The following MEGF11 variants were observed in gnomAD, a reference collection of about 807,000 sequenced individuals.
MEGF11 encodes multiple EGF like domains 11.
A neutral mutation model predicts 146.6 loss-of-function variants in MEGF11; 126 were observed. The ratio of observed to expected loss-of-function variants is 0.86; its 90% confidence interval spans 0.74 to 1.00. The LOEUF is 1.00. Ranked by LOEUF, MEGF11 falls within the 50% of genes least tolerant of loss-of-function variation. MEGF11 has a pLI of 0.00. For missense variants in MEGF11, 1,509 were observed against 1,521.2 expected (o/e 0.99, Z 0.13); for synonymous variants, 532 against 583.4 (o/e 0.91, Z 1.27).
intron 5 of MEGF11, among the ~76,000 whole-genome samples, chr15:66,042,821 C>T (rs940380433): frequency 6.6e-6 from 1 of 152,204 alleles, no homozygotes; most frequent in Non-Finnish European, 1.5e-5. Flanking sequence ...GACTGCAGGG[C>T]ATACTGGATC....
chr15:65,907,135 C>T (rs760704681), intron 23 of MEGF11, among the ~76,000 whole-genome samples: 1 of 152,166 alleles, frequency 6.6e-6, no homozygotes, highest in Admixed American at 6.5e-5. Context: ...TGACTCTTCC[C>T]AGTTTCTGAC....
At chr15:66,101,742 T>C (rs1050721601) in intron 4 of MEGF11, among the ~76,000 whole-genome samples, 1 of 152,244 alleles carries the variant, frequency 6.6e-6, no homozygotes, top group African/African-American at 2.4e-5. Flanking sequence ...ACTTGAGCCA[T>C]GCCCATCTGG....
intron 1 of MEGF11, among the ~76,000 whole-genome samples, chr15:66,200,238 T>C (rs749468765): frequency 2.3e-4 from 35 of 152,260 alleles, no homozygotes; most frequent in Non-Finnish European, 5.1e-4. Flanking sequence ...TCACAGCTGA[T>C]TTTGGTTTTC....
At chr15:66,102,972 T>C (rs1156601003) in intron 4 of MEGF11, among the ~76,000 whole-genome samples, 1 of 152,240 alleles carries the variant, frequency 6.6e-6, no homozygotes, top group East Asian at 1.9e-4. Flanking sequence ...ATTCACCTAA[T>C]CTTCCCAAGC....
chr15:66,143,207 G>C (rs1384531826), intron 1 of MEGF11, among the ~76,000 whole-genome samples: 1 of 152,258 alleles, frequency 6.6e-6, no homozygotes, highest in Non-Finnish European at 1.5e-5. Flanking sequence ...GACGGTGGTG[G>C]TGGGAAGAGA....
chr15:65,922,785 G>C (rs745311550), intron 14 of MEGF11, 38 bp downstream of exon 14: 1 of 1,608,480 alleles, frequency 6.2e-7, no homozygotes, highest in South Asian at 1.1e-5. Context: ...GGGAGGATTA[G>C]CCCTCTGAGC....
intron 4 of MEGF11, among the ~76,000 whole-genome samples, chr15:66,118,712 T>TC (rs1185028928): frequency 6.6e-6 from 1 of 152,156 alleles, no homozygotes; most frequent in African/African-American, 2.4e-5. Flanking sequence ...TCTCCTTCCA[T>TC]CCAGCAAAGC....
At chr15:66,062,672 T>A (rs1335594566) in intron 5 of MEGF11, among the ~76,000 whole-genome samples, 1 of 152,188 alleles carries the variant, frequency 6.6e-6, no homozygotes, top group Non-Finnish European at 1.5e-5. Context: ...AATTATGAGA[T>A]AATAAATGTG....
At chr15:65,978,114 A>G (rs990689655) in intron 7 of MEGF11, among the ~76,000 whole-genome samples, 1 of 152,242 alleles carries the variant, frequency 6.6e-6, no homozygotes, top group Non-Finnish European at 1.5e-5. Flanking sequence ...CCAGTTCCAC[A>G]CAATGGCCTG....
chr15:65,901,310 C>T (rs1305085311), intron 24 of MEGF11, among the ~76,000 whole-genome samples: 1 of 151,490 alleles, frequency 6.6e-6, no homozygotes, highest in East Asian at 1.9e-4. Context: ...AAGGCTATTG[C>T]ACCTGCCTCA....
At chr15:66,021,814 T>A (rs2083145530) in intron 5 of MEGF11, among the ~76,000 whole-genome samples, 1 of 152,202 alleles carries the variant, frequency 6.6e-6, no homozygotes, top group Non-Finnish European at 1.5e-5. Context: ...CTGGCACTTG[T>A]GGGGATTTCC....
intron 1 of MEGF11, among the ~76,000 whole-genome samples, chr15:66,221,866 T>C (rs186665285): frequency 2.7e-4 from 41 of 151,534 alleles, no homozygotes; most frequent in Non-Finnish European, 4.9e-4. Flanking sequence ...TTCAATCCCA[T>C]TACATAAAGC....
chr15:66,029,254 G>A (rs963588843), intron 5 of MEGF11, among the ~76,000 whole-genome samples: 3 of 152,158 alleles, frequency 2.0e-5, no homozygotes, highest in African/African-American at 7.2e-5. Flanking sequence ...TCTGATGGGG[G>A]TTGAGCCAGG....
At chr15:66,225,948 T>C (rs569833169) in intron 1 of MEGF11, among the ~76,000 whole-genome samples, 1 of 152,304 alleles carries the variant, frequency 6.6e-6, no homozygotes, top group African/African-American at 2.4e-5. Context: ...CACACATACA[T>C]ACAGCAGCCC....
At chr15:66,244,875 C>T (rs2092272160) in intron 1 of MEGF11, among the ~76,000 whole-genome samples, 1 of 152,122 alleles carries the variant, frequency 6.6e-6, no homozygotes, top group Admixed American at 6.6e-5. Flanking sequence ...GGCCACGACC[C>T]TGGGTATAAA....
At chr15:65,964,108 A>T (rs1319347321) in intron 9 of MEGF11, among the ~76,000 whole-genome samples, 1 of 152,212 alleles carries the variant, frequency 6.6e-6, no homozygotes, top group Non-Finnish European at 1.5e-5. Flanking sequence ...GGGGGCGTTC[A>T]TCCAGGGCTG....
chr15:66,040,963 C>A (rs1294183891), intron 5 of MEGF11, among the ~76,000 whole-genome samples: 6 of 150,322 alleles, frequency 4.0e-5, no homozygotes, highest in Admixed American at 3.3e-4. Context: ...CTTAGGCTGA[C>A]AATAGCCCTG....
intron 1 of MEGF11, among the ~76,000 whole-genome samples, chr15:66,194,606 T>C (rs2090963677): frequency 7.1e-6 from 1 of 141,836 alleles, no homozygotes; most frequent in Admixed American, 7.5e-5. Context: ...CAAGACTCCG[T>C]CTCAAAAAAC....
chr15:66,096,364 G>A (rs371042387), intron 4 of MEGF11, among the ~76,000 whole-genome samples: 1 of 152,260 alleles, frequency 6.6e-6, no homozygotes, highest in South Asian at 2.1e-4. Flanking sequence ...AGAAAATCAT[G>A]TCCTGGCCCA....
Sources: gnomAD v4.1 joint callset for allele counts (sites outside exome capture counted in the v4.1 genomes callset) on GRCh38, gnomAD v4.1.1 for gene constraint, MANE v1.5 for transcripts, NCBI Gene and HGNC (gene_info 2026-07-23, HGNC 2026-07-21) for gene names.